Variants in ACOX3 observed in about 807,000 individuals in gnomAD.
The protein encoded by ACOX3 is acyl-CoA oxidase 3, pristanoyl.
Under a neutral mutation model 81.5 loss-of-function variants are expected in ACOX3, and 73 were observed. The ratio of observed to expected loss-of-function variants is 0.90; its 90% CI spans 0.74 to 1.09. The LOEUF (loss-of-function observed/expected upper bound fraction) is 1.09. Among genes scored for constraint, ACOX3 ranks in the 50% least tolerant of loss-of-function variants. The pLI is 0.00. For missense variants in ACOX3, 947 were observed against 928.0 expected, an observed-to-expected ratio of 1.02 and a Z score of -0.27; for synonymous variants, 387 against 375.1, an observed-to-expected ratio of 1.03 and a Z score of -0.37.
Position 8,381,481 on chromosome 4 carries a change from C to T in ACOX3, c.1653+11G>A. The T allele has an allele frequency of 1.2e-6, 2 of 1,607,726 alleles. No homozygotes were observed. Among genetic ancestry groups the T allele is most frequent in the Non-Finnish European group, 1.7e-6 (2 of 1,174,928 alleles). ...ATAATACAAAAGGGAATTTTGAAAA[C>T]AAATACTTACCTGGCATTTGTTCCT... is the stretch of plus-strand genomic sequence containing the variant. On this transcript the variant is annotated intron_variant, in intron 14 of 17. Coordinates refer to ENST00000356406, the MANE Select transcript of ACOX3 (RefSeq NM_003501.3). This position sits in a 1 kb window ranked among gnomAD's most constrained non-coding sequence, Gnocchi z 4.3.
chr4:8,372,714 C>T (rs1716375733), intron 16 of ACOX3, among the ~76,000 whole-genome samples: 1 of 152,186 alleles, frequency 6.6e-6, no homozygotes, highest in Non-Finnish European at 1.5e-5. Context: ...TTCCACTGGT[C>T]CCAGATCAAG....
At chr4:8,356,100 A>T in the ACOX3 span, 1 of 217,114 alleles carries the variant, frequency 4.6e-6, no homozygotes, top group Non-Finnish European at 9.4e-6. Context: ...GGAAGAGGAG[A>T]CTTACCATGT....
At chr4:8,415,182 G>A (rs997927972) in intron 3 of ACOX3, among the ~76,000 whole-genome samples, 11 of 152,118 alleles carry the variant, frequency 7.2e-5, no homozygotes, top group African/African-American at 2.7e-4. Flanking sequence ...TCTCTGTGCC[G>A]AGCACCTTGT....
rs1719448473 is a variant in ACOX3 at position 8,394,533 on chromosome 4, T to C, written c.1179+87A>G. The C allele has an allele frequency of 1.9e-6, 3 of 1,538,756 alleles. No homozygotes were observed. The highest frequency in any genetic ancestry group is 2.6e-6 in the Non-Finnish European group (3 of 1,137,622). On this transcript the variant is annotated intron_variant, in intron 10 of 17. Transcript: ENST00000356406. This position sits in a 1 kb window ranked among gnomAD's most constrained non-coding sequence, Gnocchi z 5.9. ...CTGTCCTCGCAAATCAAAGGACTGA[T>C]TTTGCTTTGAAATGAAGGTTGAATC...
Position 8,410,364 on chromosome 4 carries a change from G to A in ACOX3, c.544-9C>T. 5 of 1,613,100 alleles carry A rather than the reference G, an allele frequency of 3.1e-6. No homozygotes were observed. The highest frequency in any genetic ancestry group is 4.2e-6 in the Non-Finnish European group (5 of 1,179,170). On this transcript the variant is annotated splice_polypyrimidine_tract_variant and intron_variant, in intron 5 of 17. Coordinates refer to ENST00000356406, the MANE Select transcript of ACOX3 (RefSeq NM_003501.3). ...GAATGTATGATGAATTCCTGCACAAGGGAAAATTTAGGTTAGTTATAATTA... is the reference window on the plus strand; with the variant it reads ...GAATGTATGATGAATTCCTGCACAAAGGAAAATTTAGGTTAGTTATAATTA...
At chr4:8,404,773 T>C (rs1720751663) in intron 7 of ACOX3, among the ~76,000 whole-genome samples, 1 of 152,224 alleles carries the variant, frequency 6.6e-6, no homozygotes, top group Non-Finnish European at 1.5e-5. Context: ...CCAGCCTCGC[T>C]ATGAAACACT....
rs1355054010 is a variant in ACOX3 at position 8,416,588 on chromosome 4, T to G, written c.-14-53A>C. ...TGCTCTCCCATCTATGGGTTCAAAC[T>G]ACCCCCACCAACAGGAGAGCCCGCA... On this transcript the variant is annotated intron_variant, in intron 1 of 17. Coordinates refer to ENST00000356406, the MANE Select transcript of ACOX3 (RefSeq NM_003501.3). The surrounding 1 kb of genome is among the most constrained non-coding windows in gnomAD (Gnocchi z 4.2). The G allele has an allele frequency of 1.3e-6, 2 of 1,497,136 alleles. No homozygotes were observed. Among genetic ancestry groups the G allele is most frequent in the African/African-American group, 2.8e-5 (2 of 71,080 alleles). The allele number at this position is 1,497,136 out of a possible 1,614,324, so 92.7% of individuals were successfully genotyped here. A position where few individuals can be genotyped will look rare whatever the true frequency, so the allele number is the denominator to read the frequency against.
rs1187483424 is a variant in ACOX3, at chr4:8,385,475, T to A, written c.1537+3698A>T. On this transcript the variant is annotated intron_variant, in intron 13 of 17. Transcript: ENST00000356406. This position sits in a 1 kb window ranked among gnomAD's most constrained non-coding sequence, Gnocchi z 5.5. ...CACAAATACACACGTGTCCGAGTAGTGAACACTGCAACTGCTTACTATGAA... is the reference window on the plus strand; with the variant it reads ...CACAAATACACACGTGTCCGAGTAGAGAACACTGCAACTGCTTACTATGAA... 6.6e-6 allele frequency among the ~76,000 whole-genome samples: 1 copy of A among 152,198 alleles called. No individual in the cohort carries two copies. The highest frequency in any genetic ancestry group is 1.5e-5 in the Non-Finnish European group (1 of 68,042).
rs777107749 is a variant in ACOX3 at position 8,368,842 on chromosome 4, A to T, written c.1984-1762T>A. Among the ~76,000 whole-genome samples, 2 of 149,788 alleles carry T rather than the reference A, an allele frequency of 1.3e-5. No individual in the cohort carries two copies. Among genetic ancestry groups the T allele is most frequent in the Non-Finnish European group, 3.0e-5 (2 of 67,584 alleles). On this transcript the variant is annotated intron_variant, in intron 17 of 17. Coordinates refer to ENST00000356406, the MANE Select transcript of ACOX3 (RefSeq NM_003501.3). The surrounding 1 kb of genome is among the most constrained non-coding windows in gnomAD (Gnocchi z 5.9). Reference sequence around the variant, plus strand: ...CTCCCCAAGCTCAGGGGATCCTCTCACCTCAGTTTTTGTAATTTTTATGGA... The same window carrying T: ...CTCCCCAAGCTCAGGGGATCCTCTCTCCTCAGTTTTTGTAATTTTTATGGA...
rs1720955084 is a variant in ACOX3, at chr4:8,406,373, G to C, written c.688-330C>G. Among the ~76,000 whole-genome samples the C allele has an allele frequency of 6.6e-6, 1 of 152,222 alleles. No individual in the cohort carries two copies. Among genetic ancestry groups the C allele is most frequent in the African/African-American group, 2.4e-5 (1 of 41,456 alleles). On this transcript the variant is annotated intron_variant, in intron 6 of 17. Coordinates refer to ENST00000356406, the MANE Select transcript of ACOX3 (RefSeq NM_003501.3). This position sits in a 1 kb window ranked among gnomAD's most constrained non-coding sequence, Gnocchi z 5.6. ...TGTGGGGAAGAGGGGGCCATGTGGA[G>C]ACGGAGGCACAGAGTACAGCGCTGG...
the ACOX3 span, chr4:8,357,333 C>A: frequency 2.3e-6 from 1 of 444,144 alleles, no homozygotes; most frequent in Non-Finnish European, 4.6e-6. Context: ...CAATGTTCAG[C>A]TTCAGTGCTG....
chr4:8,419,995 T>A lies in ACOX3; in HGVS notation c.-14-3460A>T, dbSNP rs1265657789. 6.6e-6 allele frequency among the ~76,000 whole-genome samples: 1 copy of A among 152,138 alleles called. No individual in the cohort carries two copies. The highest frequency in any genetic ancestry group is 2.4e-5 in the African/African-American group (1 of 41,434). ...GCCTGATAAAACCCTCATAACAACC[T>A]CCAGTTACTGAGCTGGTGCTGTGTG... On this transcript the variant is annotated intron_variant, in intron 1 of 17. Coordinates refer to ENST00000356406, the MANE Select transcript of ACOX3 (RefSeq NM_003501.3). This position sits in a 1 kb window ranked among gnomAD's most constrained non-coding sequence, Gnocchi z 4.2.
the ACOX3 span, chr4:8,357,040 G>A: frequency 2.2e-6 from 1 of 456,180 alleles, no homozygotes; most frequent in Non-Finnish European, 4.4e-6. Flanking sequence ...ATCCCGGCAG[G>A]TGAGAGGAAG....
At chr4:8,377,787 C>T (rs772857298) in intron 14 of ACOX3, among the ~76,000 whole-genome samples, 2 of 152,184 alleles carry the variant, frequency 1.3e-5, no homozygotes, top group Admixed American at 6.5e-5. Context: ...GCATCCCATG[C>T]GGTATGGACT....
intron 11 of ACOX3, among the ~76,000 whole-genome samples, chr4:8,390,221 A>G (rs1718826343): frequency 6.6e-6 from 1 of 151,860 alleles, no homozygotes; most frequent in South Asian, 2.1e-4. Context: ...ACGCACCTTT[A>G]GTCCCAGCTA....
chr4:8,397,174 C>G (rs1262620660), intron 8 of ACOX3, 55 bp from the exon 9 acceptor site: 16 of 1,459,596 alleles, frequency 1.1e-5, no homozygotes, highest in South Asian at 8.8e-5. Context: ...CCACCTTGGG[C>G]AGAGTGGCTC....
chr4:8,410,173 T>C, intron 6 of ACOX3, 39 bp downstream of exon 6: 1 of 1,594,668 alleles, frequency 6.3e-7, no homozygotes, highest in East Asian at 2.3e-5. Context: ...TTCCTGGGGG[T>C]AAACACTGCC....
At chr4:8,361,528 G>GTAA (rs1321541556), downstream of ACOX3, among the ~76,000 whole-genome samples, 1 of 144,102 alleles carries the variant, frequency 6.9e-6, no homozygotes, top group Admixed American at 7.1e-5. Flanking sequence ...AGTTAATCTT[G>GTAA]TAAAAAAATT....
At chr4:8,395,275 T>C (rs1719565669) in intron 9 of ACOX3, among the ~76,000 whole-genome samples, 2 of 127,804 alleles carry the variant, frequency 1.6e-5, no homozygotes, top group South Asian at 4.9e-4. Flanking sequence ...GGTGGATGGA[T>C]GCATGGATGG....
Sources: gnomAD v4.1 joint callset for allele counts (sites outside exome capture counted in the v4.1 genomes callset) on GRCh38, gnomAD v4.1.1 for gene constraint, Gnocchi (gnomAD v3.1) non-coding constraint, MANE v1.5 for transcripts, NCBI Gene and HGNC (gene_info 2026-07-23, HGNC 2026-07-21) for gene names.